The following COL21A1 variants were observed in gnomAD, a reference collection of about 807,000 sequenced individuals.
COL21A1 encodes collagen alpha-1(XXI) chain.
In COL21A1, 149 loss-of-function variants were observed where a neutral mutation model predicts 137.9. The observed-to-expected ratio is 1.08, with a 90% CI of 0.95 to 1.24. The LOEUF is 1.24. Among genes scored for constraint, COL21A1 ranks in the 50% most tolerant of loss-of-function variants. The probability of loss-of-function intolerance (pLI) is 0.00; values close to 1 mark genes in which losing one functional copy is unlikely to be tolerated. For synonymous variants in COL21A1, 456 were observed against 391.5 expected (o/e 1.16, Z -1.95); for missense variants, 1,167 against 1,158.4 (o/e 1.01, Z -0.11).
At chr6:56,337,263 T>C (rs1402748860) in intron 1 of COL21A1, among the ~76,000 whole-genome samples, 3 of 152,186 alleles carry the variant, frequency 2.0e-5, no homozygotes, top group Non-Finnish European at 4.4e-5. Flanking sequence ...TAATGAAAAT[T>C]GCTGTATCAA....
At chr6:56,228,950 GC>G (rs2152316834) in intron 1 of COL21A1, among the ~76,000 whole-genome samples, 1 of 151,946 alleles carries the variant, frequency 6.6e-6, no homozygotes, top group Admixed American at 6.6e-5. Flanking sequence ...GCAAAAAAAT[GC>G]AAAACTATAT....
chr6:56,107,090 T>C (rs1473234113), intron 16 of COL21A1, among the ~76,000 whole-genome samples: 1 of 152,194 alleles, frequency 6.6e-6, no homozygotes, highest in Non-Finnish European at 1.5e-5. Flanking sequence ...CCCGGCCAAG[T>C]ATTTTTATTA....
At position 56,354,651 on chromosome 6, in the gene COL21A1, G is replaced by C. The variant is rs972183910; in HGVS notation, c.-39+39320C>G. On this transcript the variant is annotated intron_variant, in intron 1 of 28. Transcript: ENST00000370819. ...AATCCCAGCACTTTGGAAGGCCAAA[G>C]TGGGAGGACTACTTGAGTCCAGGAG... Among the ~76,000 whole-genome samples, 15 of 152,318 alleles carry C rather than the reference G, an allele frequency of 9.8e-5. 1 individual carries two copies. The South Asian group carries it at 3.1e-3, about 32-fold the overall frequency.
At chr6:56,369,905 T>C (rs1400878432) in intron 1 of COL21A1, among the ~76,000 whole-genome samples, 1 of 152,232 alleles carries the variant, frequency 6.6e-6, no homozygotes, top group East Asian at 1.9e-4. Context: ...TAAAACTTCT[T>C]TCATTTGAAT....
In COL21A1 at chr6:56,069,150, G is replaced by T. The variant is rs371121515; in HGVS notation, c.2020-33C>A. The T allele has an allele frequency of 5.3e-5, 75 of 1,419,606 alleles. 1 individual carries two copies. In the Middle Eastern group the frequency reaches 1.1e-3, roughly 20 times the overall value. 87.9% of individuals were successfully genotyped at this position (1,419,606 alleles called of 1,614,324 possible). ...ACACAGAAATTCCAGAAAGATCACA[G>T]ATCTACTGCTTATGAAAAGCACCAC... On this transcript the variant is annotated intron_variant, in intron 21 of 29. Transcript: ENST00000244728.
chr6:56,094,386 T>A (rs1582315332), intron 17 of COL21A1, among the ~76,000 whole-genome samples: 1 of 152,198 alleles, frequency 6.6e-6, no homozygotes, highest in East Asian at 1.9e-4. Flanking sequence ...AGTGTGTTGA[T>A]GATGCTATAC....
At chr6:56,235,560 G>A (rs1004841257) in intron 1 of COL21A1, among the ~76,000 whole-genome samples, 16 of 152,016 alleles carry the variant, frequency 1.1e-4, no homozygotes, top group African/African-American at 3.9e-4. Flanking sequence ...GCTGACATCA[G>A]GGGAATACTG....
At chr6:56,107,082 C>T (rs1361384838) in intron 16 of COL21A1, among the ~76,000 whole-genome samples, 5 of 152,058 alleles carry the variant, frequency 3.3e-5, no homozygotes, top group East Asian at 1.9e-4. Flanking sequence ...CCACCGCGCC[C>T]GGCCAAGTAT....
intron 17 of COL21A1, among the ~76,000 whole-genome samples, chr6:56,098,628 T>A (rs866944306): frequency 1.8e-3 from 60 of 32,728 alleles, no homozygotes; most frequent in African/African-American, 2.8e-3. Flanking sequence ...TATATATAAA[T>A]ATATATATAA....
chr6:56,119,180 C>A lies in COL21A1; in HGVS notation c.1758+4882G>T, dbSNP rs962307592. Among the ~76,000 whole-genome samples, 15 of 152,048 alleles carry A rather than the reference C, an allele frequency of 9.9e-5. 1 individual carries two copies. Among genetic ancestry groups the A allele is most frequent in the Admixed American group, 7.9e-4 (12 of 15,268 alleles). On this transcript the variant is annotated intron_variant, in intron 16 of 29. Coordinates refer to ENST00000244728, the MANE Select transcript of COL21A1 (RefSeq NM_030820.4). ...TGATATAATCTTTTATTTAGAAAAA[C>A]CTAAAGACTCCACCAACAAACTATT...
chr6:56,362,827 T>C (rs950993995), intron 1 of COL21A1, among the ~76,000 whole-genome samples: 1 of 152,198 alleles, frequency 6.6e-6, no homozygotes, highest in Admixed American at 6.5e-5. Flanking sequence ...GCTGTTTGTG[T>C]GTTTGATCCC....
chr6:56,158,266 CTTTTTTTTTTTT>C (rs67453245), intron 9 of COL21A1, among the ~76,000 whole-genome samples: 2 of 62,402 alleles, frequency 3.2e-5, no homozygotes, highest in East Asian at 5.4e-4. Context: ...TTTTTTTTTT[CTTTTTTTTTTTT>C]TTTTTTTTTT....
intron 1 of COL21A1, among the ~76,000 whole-genome samples, chr6:56,373,508 A>G (rs2093993916): frequency 6.6e-6 from 1 of 152,166 alleles, no homozygotes; most frequent in South Asian, 2.1e-4. Context: ...AGGCTGAGGC[A>G]GAAGAATCAC....
At chr6:56,276,058 G>T (rs1263020592) in intron 1 of COL21A1, among the ~76,000 whole-genome samples, 2 of 152,148 alleles carry the variant, frequency 1.3e-5, no homozygotes, top group African/African-American at 4.8e-5. Flanking sequence ...AGAGTGAAAT[G>T]TCCTTTCCAG....
intron 1 of COL21A1, among the ~76,000 whole-genome samples, chr6:56,319,760 C>T (rs1764822970): frequency 6.6e-6 from 1 of 152,118 alleles, no homozygotes; most frequent in Admixed American, 6.6e-5. Context: ...ATGGATTCTC[C>T]ATGAAAGCTT....
chr6:56,102,937 A>T (rs78900439), intron 16 of COL21A1, among the ~76,000 whole-genome samples: 10,153 of 152,252 alleles, frequency 0.067, 399 homozygotes, highest in Admixed American at 0.11. Context: ...AAAAGCATAT[A>T]AAAATATTGG....
chr6:56,194,244 T>C (rs921704015), intron 1 of COL21A1, among the ~76,000 whole-genome samples: 5 of 152,218 alleles, frequency 3.3e-5, no homozygotes, highest in Admixed American at 1.3e-4. Context: ...ATAATTTAAA[T>C]TGACAATCAT....
At chr6:56,097,985 ATATAT>A (rs1193055247) in intron 17 of COL21A1, among the ~76,000 whole-genome samples, 5 of 63,624 alleles carry the variant, frequency 7.9e-5, no homozygotes, top group East Asian at 9.2e-4. Context: ...ATATATATAA[ATATAT>A]ATGTAAATAT....
Position 56,114,090 on chromosome 6 carries a change from C to T in COL21A1, c.1758+9972G>A, listed in dbSNP as rs2147694. On this transcript the variant is annotated intron_variant, in intron 16 of 29. Coordinates refer to ENST00000244728, the MANE Select transcript of COL21A1 (RefSeq NM_030820.4). Reference sequence around the variant, plus strand: ...CATCTAAGGCTTTTGACTCTAGTCCCTAACTCCAAGATGGAACTTCTGGAC... The same window carrying T: ...CATCTAAGGCTTTTGACTCTAGTCCTTAACTCCAAGATGGAACTTCTGGAC... Among the ~76,000 whole-genome samples the T allele has an allele frequency of 7.0e-3, 1,061 of 152,346 alleles. 53 individuals carry two copies. Among genetic ancestry groups the T allele is most frequent in the Admixed American group, 0.066 (1,008 of 15,304 alleles).
Sources: gnomAD v4.1 joint callset for allele counts (sites outside exome capture counted in the v4.1 genomes callset) on GRCh38, gnomAD v4.1.1 for gene constraint, MANE v1.5 for transcripts, NCBI Gene and HGNC (gene_info 2026-07-23, HGNC 2026-07-21) for gene names.